Variants in NIPA2 observed in about 807,000 individuals in gnomAD.
NIPA2 encodes NIPA magnesium transporter 2, also known as magnesium transporter NIPA2.
Under a neutral mutation model 29.7 loss-of-function variants are expected in NIPA2, and 11 were observed. The ratio of observed to expected loss-of-function variants is 0.37; its 90% CI spans 0.23 to 0.61. The LOEUF is 0.61. Ranked by LOEUF, NIPA2 falls within the 20% of genes least tolerant of loss-of-function variation. The pLI is 0.66. For missense variants in NIPA2, 426 were observed against 437.9 expected (o/e 0.97, Z 0.24); for synonymous variants, 183 against 161.9 (o/e 1.13, Z -0.99).
At chr15:22,845,891 A>G (rs1289208271) in intron 3 of NIPA2, among the ~76,000 whole-genome samples, 2 of 152,176 alleles carry the variant, frequency 1.3e-5, no homozygotes, top group South Asian at 2.1e-4. Flanking sequence ...GAAAGGGGAA[A>G]ATAGATTTTA....
At chr15:22,865,388 A>T (rs752076202) in intron 7 of NIPA2, among the ~76,000 whole-genome samples, 1 of 151,884 alleles carries the variant, frequency 6.6e-6, no homozygotes, top group Non-Finnish European at 1.5e-5. Context: ...CAGGAGGCTG[A>T]GGCAGGAGAA....
chr15:22,850,429 G>T (rs1352756028), intron 3 of NIPA2, among the ~76,000 whole-genome samples: 1 of 152,148 alleles, frequency 6.6e-6, no homozygotes, highest in African/African-American at 2.4e-5. Context: ...AGGGAGAATA[G>T]TCTTCTCATT....
intron 7 of NIPA2, among the ~76,000 whole-genome samples, chr15:22,861,481 G>A (rs2058618984): frequency 6.6e-6 from 1 of 152,132 alleles, no homozygotes; most frequent in Non-Finnish European, 1.5e-5. Context: ...TCACTCTAGA[G>A]GAGACAAGAA....
At chr15:22,847,112 G>A (rs1268244426) in intron 3 of NIPA2, among the ~76,000 whole-genome samples, 3 of 151,738 alleles carry the variant, frequency 2.0e-5, no homozygotes, top group Non-Finnish European at 1.5e-5. Context: ...CTCCATGTTG[G>A]TCAGGCTGGT....
chr15:22,842,188 AC>A lies in NIPA2; in HGVS notation c.-216+2399del, dbSNP rs1288101586. ...CTAGAATATTGTACATGCTCAGTAAACGTTGGTTGGTTGAGTAAATGATATA... is the reference window on the plus strand; with the variant it reads ...CTAGAATATTGTACATGCTCAGTAAAGTTGGTTGGTTGAGTAAATGATATA... On this transcript the variant is annotated intron_variant, in intron 2 of 7. Transcript: ENST00000337451. 8.5e-5 allele frequency among the ~76,000 whole-genome samples: 13 copies of A among 152,240 alleles called. No homozygotes were observed. In the East Asian group the frequency reaches 2.3e-3, roughly 27 times the overall value.
Position 22,867,334 on chromosome 15 carries a change from A to AAT in NIPA2, c.*490_*491dup. 5 of 396,496 alleles carry AAT rather than the reference A, an allele frequency of 1.3e-5. No individual in the cohort carries two copies. The highest frequency in any genetic ancestry group is 2.2e-5 in the Non-Finnish European group (5 of 225,056). The allele number at this position is 396,496 out of a possible 1,614,324, so 24.6% of individuals were successfully genotyped here. A position where few individuals can be genotyped will look rare whatever the true frequency, so the allele number is the denominator to read the frequency against. The stretch of plus-strand genomic sequence containing the variant: ...TGATGATGATTGGTTTTATTTTTGA[A>AAT]ATATTTATTAAGGGAAAACTAAGTT... On this transcript the variant is annotated 3_prime_UTR_variant, in exon 8 of 8. Transcript: ENST00000337451.
chr15:22,860,492 C>T (rs949150489), intron 6 of NIPA2, 137 bp from the exon 7 acceptor site: 5 of 633,690 alleles, frequency 7.9e-6, no homozygotes, highest in Middle Eastern at 3.3e-4. Flanking sequence ...ACTTTTTTTC[C>T]TTGGCGAAAG....
At chr15:22,862,204 C>T (rs1424610411) in intron 7 of NIPA2, among the ~76,000 whole-genome samples, 5 of 151,710 alleles carry the variant, frequency 3.3e-5, no homozygotes, top group African/African-American at 4.8e-5. Context: ...CCCACCACCA[C>T]GCCCAGCTAA....
Position 22,867,125 on chromosome 15 carries a change from GAC to G in NIPA2, c.*280_*281del. ...TTCTCCAAAAGCCGAATGCACTAATGACAGTTTTAAGTCTATGAAAATGCTTT... is the reference window on the plus strand; with the variant it reads ...TTCTCCAAAAGCCGAATGCACTAATGAGTTTTAAGTCTATGAAAATGCTTT... On this transcript the variant is annotated 3_prime_UTR_variant, in exon 8 of 8. Transcript: ENST00000337451. 4.1e-6 allele frequency: 2 copies of G among 482,398 alleles called. No homozygotes were observed. Among genetic ancestry groups the G allele is most frequent in the Non-Finnish European group, 7.2e-6 (2 of 276,936 alleles). 29.9% of individuals were successfully genotyped at this position (482,398 alleles called of 1,614,324 possible).
intron 2 of NIPA2, among the ~76,000 whole-genome samples, chr15:22,840,699 A>C (rs185635739): frequency 7.2e-5 from 11 of 152,106 alleles, no homozygotes; most frequent in African/African-American, 2.7e-4. Flanking sequence ...TACCCCTGGG[A>C]GGTTTCCTTA....
chr15:22,854,110 C>T (rs1372331036), intron 5 of NIPA2, among the ~76,000 whole-genome samples: 1 of 151,990 alleles, frequency 6.6e-6, no homozygotes, highest in Admixed American at 6.5e-5. Flanking sequence ...CAGGCGTGAG[C>T]CACCATGCCC....
chr15:22,859,772 A>AC (rs1234983750), intron 6 of NIPA2, among the ~76,000 whole-genome samples: 1 of 152,092 alleles, frequency 6.6e-6, no homozygotes, highest in Non-Finnish European at 1.5e-5. Context: ...TCCCCAAAAA[A>AC]CTATATGTAA....
At chr15:22,846,199 A>C (rs1898587758) in intron 3 of NIPA2, among the ~76,000 whole-genome samples, 1 of 152,174 alleles carries the variant, frequency 6.6e-6, no homozygotes, top group African/African-American at 2.4e-5. Flanking sequence ...TGGTTCCTGC[A>C]GAAAGACTAA....
chr15:22,855,804 A>G (rs1939925237), intron 5 of NIPA2, among the ~76,000 whole-genome samples: 1 of 152,112 alleles, frequency 6.6e-6, no homozygotes, highest in South Asian at 2.1e-4. Context: ...TTGGGGGAGA[A>G]ACCCTTGAAG....
chr15:22,846,950 C>G (rs1292706695), intron 3 of NIPA2, among the ~76,000 whole-genome samples: 1 of 149,752 alleles, frequency 6.7e-6, no homozygotes, highest in Non-Finnish European at 1.5e-5. Context: ...GTTGCCCAGG[C>G]TGGAGTGCAA....
intron 3 of NIPA2, among the ~76,000 whole-genome samples, chr15:22,848,761 G>T (rs1267981456): frequency 7.4e-6 from 1 of 134,788 alleles, no homozygotes; most frequent in Non-Finnish European, 1.5e-5. Context: ...GGCAGTAGAG[G>T]TTGCAGTGAG....
Position 22,845,140 on chromosome 15 carries a change from T to C in NIPA2, c.-215-6T>C, listed in dbSNP as rs990268518. 12 of 152,202 alleles carry C rather than the reference T, an allele frequency of 7.9e-5. No homozygotes were observed. The highest frequency in any genetic ancestry group is 1.5e-4 in the Non-Finnish European group (10 of 68,040). 9.4% of individuals were successfully genotyped at this position (152,202 alleles called of 1,614,324 possible). The stretch of plus-strand genomic sequence containing the variant: ...TTCTTAAGAAGAAAAAATATCTCTG[T>C]TGCAGGCTCTCCCGGCTGTGATAGA... On this transcript the variant is annotated splice_region_variant and splice_polypyrimidine_tract_variant and intron_variant, in intron 2 of 7. Transcript: ENST00000337451.
rs757804421 is a variant in NIPA2, at chr15:22,866,404, C to A, written c.640C>A (p.Arg214=). 5.0e-6 allele frequency: 8 copies of A among 1,613,978 alleles called. No homozygotes were observed. The Admixed American group carries it at 5.0e-5, about 10-fold the overall frequency. ...KELFAGKPVL[R]HPLAWILLLS... The stretch of plus-strand genomic sequence containing the variant: ...GCTGTTTGCAGGGAAGCCTGTGCTG[C>A]GGCATCCCCTGGCTTGGATTCTGCT... Residue 214 remains arginine, a synonymous_variant, in exon 8 of 8, where the codon CGG becomes AGG. Transcript: ENST00000337451.
At chr15:22,855,489 CT>C (rs1392158875) in intron 5 of NIPA2, among the ~76,000 whole-genome samples, 1 of 151,898 alleles carries the variant, frequency 6.6e-6, no homozygotes, top group Non-Finnish European at 1.5e-5. Context: ...TTGATCATGT[CT>C]TGTATGCCAG....
Sources: allele counts gnomAD v4.1 joint callset (sites outside exome capture counted in the v4.1 genomes callset), GRCh38; gene constraint gnomAD v4.1.1; transcripts MANE v1.5; gene names NCBI Gene and HGNC (gene_info 2026-07-23, HGNC 2026-07-21).